RHBDL1: variants seen among roughly 807,000 people sequenced by gnomAD.
RHBDL1 encodes the protein rhomboid-related protein 1.
In RHBDL1, 21 loss-of-function variants were observed where a neutral mutation model predicts 34.0. The ratio of observed to expected loss-of-function variants is 0.62; its 90% confidence interval spans 0.44 to 0.89. The LOEUF is 0.89. Among genes scored for constraint, RHBDL1 ranks in the 40% least tolerant of loss-of-function variants. RHBDL1 has a pLI of 0.00. For missense variants in RHBDL1, 450 were observed against 530.6 expected (o/e 0.85, Z 1.49); for synonymous variants, 268 against 234.8 (o/e 1.14, Z -1.29).
chr16:675,753 G>C lies in RHBDL1; in HGVS notation c.-38G>C, dbSNP rs925465542. ...CCGCAGAGCAGCCCCTCCCGGCCGCGGCCGCCGACCCCGGACCCCGGCCCC... is the reference window on the plus strand; with the variant it reads ...CCGCAGAGCAGCCCCTCCCGGCCGCCGCCGCCGACCCCGGACCCCGGCCCC... On this transcript the variant is annotated 5_prime_UTR_variant, in exon 1 of 8. Coordinates refer to ENST00000352681, the MANE Select transcript of RHBDL1 (RefSeq NM_001278720.2). 2.9e-5 allele frequency: 41 copies of C among 1,406,042 alleles called. No homozygotes were observed. In the Admixed American group the frequency reaches 9.1e-4, roughly 31 times the overall value. The allele number at this position is 1,406,042 out of a possible 1,614,324, so 87.1% of individuals were successfully genotyped here.
intron 4 of RHBDL1, 52 bp from the exon 5 acceptor site, chr16:677,224 G>T: frequency 6.4e-7 from 1 of 1,553,576 alleles, no homozygotes; most frequent in Non-Finnish European, 8.7e-7. Context: ...GCTGGGGGTG[G>T]GGCCGGATGG....
chr16:677,669 T>C lies in RHBDL1; in HGVS notation c.820T>C (p.Leu274=). The C allele has an allele frequency of 1.3e-6, 2 of 1,558,414 alleles. No individual in the cohort carries two copies. The highest frequency in any genetic ancestry group is 1.7e-6 in the Non-Finnish European group (2 of 1,149,638). ...GGCTGGGATGAGATGTCCCTACAAG[T>C]TGCTGAGGATGGTGCTGGCCTTGGT... is the stretch of plus-strand genomic sequence containing the variant. ...NWAGMRCPYK[L]LRMVLALVCM... is the part of the protein sequence containing the mutation. Residue 274 remains leucine (L), a synonymous_variant, in exon 7 of 8, where the codon TTG becomes CTG. Coordinates refer to ENST00000352681, the MANE Select transcript of RHBDL1 (RefSeq NM_001278720.2).
rs536250789 is a variant in RHBDL1, at chr16:676,958, C to G, written c.427-13C>G. The G allele has an allele frequency of 6.2e-7, 1 of 1,612,134 alleles. No individual in the cohort carries two copies. Among genetic ancestry groups the G allele is most frequent in the Non-Finnish European group, 8.5e-7 (1 of 1,179,500 alleles). On this transcript the variant is annotated splice_polypyrimidine_tract_variant and intron_variant, in intron 3 of 7. Transcript: ENST00000352681. The surrounding 1 kb of genome is among the most constrained non-coding windows in gnomAD (Gnocchi z 6.9). Reference sequence around the variant, plus strand: ...GCTCCTGGCCATGACCAGCCTAACACTCGTGTCCCCAGATCATCGTGTTCC... The same window carrying G: ...GCTCCTGGCCATGACCAGCCTAACAGTCGTGTCCCCAGATCATCGTGTTCC...
intron 4 of RHBDL1, 59 bp from the exon 5 acceptor site, chr16:677,216 TG>T: frequency 2.6e-6 from 4 of 1,560,124 alleles, no homozygotes; most frequent in Non-Finnish European, 3.5e-6. Context: ...AGGTGACGGC[TG>T]GGGGTGGGGC....
chr16:678,225 C>T lies in RHBDL1; in HGVS notation c.*173C>T, dbSNP rs532655243. The stretch of plus-strand genomic sequence containing the variant: ...ACCCACCCCCCACTCCCAGGACTTG[C>T]GGTCTGAGCCTTTTTGGATAATTAA... On this transcript the variant is annotated 3_prime_UTR_variant, in exon 8 of 8. Coordinates refer to ENST00000352681, the MANE Select transcript of RHBDL1 (RefSeq NM_001278720.2). 1.8e-4 allele frequency: 246 copies of T among 1,371,754 alleles called. No homozygotes were observed. The highest frequency in any genetic ancestry group is 2.0e-4 in the Non-Finnish European group (215 of 1,069,252). 85.0% of individuals were successfully genotyped at this position (1,371,754 alleles called of 1,614,324 possible). A position where few individuals can be genotyped will look rare whatever the true frequency, so the allele number is the denominator to read the frequency against.
intron 1 of RHBDL1, 95 bp downstream of exon 1, chr16:675,924 C>T: frequency 1.4e-6 from 2 of 1,420,474 alleles, no homozygotes; most frequent in Non-Finnish European, 1.9e-6. Flanking sequence ...TCCCCGAAAG[C>T]CCCGCTCGGT....
At position 676,605 on chromosome 16, in the gene RHBDL1, G is replaced by T. The variant is rs1224446891; in HGVS notation, c.202-67G>T. On this transcript the variant is annotated intron_variant, in intron 2 of 7. Coordinates refer to ENST00000352681, the MANE Select transcript of RHBDL1 (RefSeq NM_001278720.2). The surrounding 1 kb of genome is among the most constrained non-coding windows in gnomAD (Gnocchi z 6.9). ...GGGGGGCTTGTGGATGCGGGGAGCTGGGTGAGCCTCACAGGCAGGGGTGCC... is the reference window on the plus strand; with the variant it reads ...GGGGGGCTTGTGGATGCGGGGAGCTTGGTGAGCCTCACAGGCAGGGGTGCC... The T allele has an allele frequency of 2.5e-6, 4 of 1,588,132 alleles. No individual in the cohort carries two copies. In the East Asian group the frequency reaches 9.0e-5, roughly 36 times the overall value.
Position 676,363 on chromosome 16 carries a change from A to G in RHBDL1, c.67A>G (p.Ile23Val), listed in dbSNP as rs1409536566. 9 of 1,610,236 alleles carry G rather than the reference A, an allele frequency of 5.6e-6. No homozygotes were observed. The African/African-American group carries it at 1.1e-4, about 19-fold the overall frequency. Reference protein sequence around the residue: ...QQLDPENTGFIGADTFTGLVH... With the variant: ...QQLDPENTGFVGADTFTGLVH... ...GCTGGACCCCGAGAACACAGGCTTC[A>G]TCGGTGCGGACACCTTCACTGGCCT... Residue 23 changes from isoleucine (I) to valine (V), a missense_variant, in exon 2 of 8, where the codon ATC becomes GTC. Transcript: ENST00000352681. This position sits in a 1 kb window ranked among gnomAD's most constrained non-coding sequence, Gnocchi z 6.9.
At chr16:675,910 G>T in intron 1 of RHBDL1, 81 bp downstream of exon 1, 2 of 1,426,538 alleles carry the variant, frequency 1.4e-6, no homozygotes, top group Non-Finnish European at 9.3e-7. Flanking sequence ...GTGCGGGACC[G>T]AGCTCCCCGA....
At position 678,066 on chromosome 16, in the gene RHBDL1, G is replaced by A; in HGVS notation, c.*14G>A. On this transcript the variant is annotated 3_prime_UTR_variant, in exon 8 of 8. Transcript: ENST00000352681. ...CCACCGCCCTGACCGGCTACCTGAG[G>A]CTGCACAGGCCAGGGCTCGGGCATG... 1.3e-6 allele frequency: 2 copies of A among 1,546,200 alleles called. No homozygotes were observed. The highest frequency in any genetic ancestry group is 8.7e-7 in the Non-Finnish European group (1 of 1,151,232).
At position 677,812 on chromosome 16, in the gene RHBDL1, G is replaced by C. The variant is rs1210154676; in HGVS notation, c.882G>C (p.Leu294=). ...CCGAGGTGGGCCGGGCCGTGTGGCTGCGCTTCTCCCCGCCGCTGCCCGCCT... is the reference window on the plus strand; with the variant it reads ...CCGAGGTGGGCCGGGCCGTGTGGCTCCGCTTCTCCCCGCCGCTGCCCGCCT... ...MSSEVGRAVW[L]RFSPPLPASG... is the part of the protein sequence containing the mutation. Residue 294 remains leucine, a synonymous_variant, in exon 8 of 8, where the codon CTG becomes CTC. Coordinates refer to ENST00000352681, the MANE Select transcript of RHBDL1 (RefSeq NM_001278720.2). 1.3e-5 allele frequency: 21 copies of C among 1,564,880 alleles called. No homozygotes were observed. The highest frequency in any genetic ancestry group is 1.8e-5 in the Non-Finnish European group (21 of 1,160,296).
chr16:676,652 A>T lies in RHBDL1; in HGVS notation c.202-20A>T. 1.2e-6 allele frequency: 2 copies of T among 1,607,950 alleles called. No homozygotes were observed. Among genetic ancestry groups the T allele is most frequent in the Non-Finnish European group, 1.7e-6 (2 of 1,178,440 alleles). ...TGCCATGGGGAGGTCCGTGGCCCACACTCAGGCCCCTGCCCCCAGATCAGC... is the reference window on the plus strand; with the variant it reads ...TGCCATGGGGAGGTCCGTGGCCCACTCTCAGGCCCCTGCCCCCAGATCAGC... On this transcript the variant is annotated intron_variant, in intron 2 of 7. Coordinates refer to ENST00000352681, the MANE Select transcript of RHBDL1 (RefSeq NM_001278720.2). This position sits in a 1 kb window ranked among gnomAD's most constrained non-coding sequence, Gnocchi z 6.9.
chr16:678,085 G>A lies in RHBDL1; in HGVS notation c.*33G>A, dbSNP rs746738077. 30 of 1,505,334 alleles carry A rather than the reference G, an allele frequency of 2.0e-5. No individual in the cohort carries two copies. The highest frequency in any genetic ancestry group is 3.9e-5 in the South Asian group (3 of 76,922). 93.2% of individuals were successfully genotyped at this position (1,505,334 alleles called of 1,614,324 possible). On this transcript the variant is annotated 3_prime_UTR_variant, in exon 8 of 8. Coordinates refer to ENST00000352681, the MANE Select transcript of RHBDL1 (RefSeq NM_001278720.2). ...CCTGAGGCTGCACAGGCCAGGGCTC[G>A]GGCATGTGGTGGCCGCCCACCAGGG... is the stretch of plus-strand genomic sequence containing the variant.
chr16:678,094 G>A lies in RHBDL1; in HGVS notation c.*42G>A, dbSNP rs2039585532. 1 of 1,497,514 alleles carries A rather than the reference G, an allele frequency of 6.7e-7. No homozygotes were observed. Among genetic ancestry groups the A allele is most frequent in the Non-Finnish European group, 8.9e-7 (1 of 1,129,924 alleles). The allele number at this position is 1,497,514 out of a possible 1,614,324, so 92.8% of individuals were successfully genotyped here. On this transcript the variant is annotated 3_prime_UTR_variant, in exon 8 of 8. Coordinates refer to ENST00000352681, the MANE Select transcript of RHBDL1 (RefSeq NM_001278720.2). ...GCACAGGCCAGGGCTCGGGCATGTG[G>A]TGGCCGCCCACCAGGGGCCTTCACG...
rs759481785 is a variant in RHBDL1 at position 676,633 on chromosome 16, G to A, written c.202-39G>A. 1.2e-5 allele frequency: 19 copies of A among 1,600,792 alleles called. No individual in the cohort carries two copies. Among genetic ancestry groups the A allele is most frequent in the Non-Finnish European group, 1.6e-5 (19 of 1,174,782 alleles). ...TGAGCCTCACAGGCAGGGGTGCCAT[G>A]GGGAGGTCCGTGGCCCACACTCAGG... On this transcript the variant is annotated intron_variant, in intron 2 of 7. Transcript: ENST00000352681. The surrounding 1 kb of genome is among the most constrained non-coding windows in gnomAD (Gnocchi z 6.9).
In RHBDL1 at chr16:677,812, G is replaced by T; in HGVS notation, c.882G>T (p.Leu294=). The T allele has an allele frequency of 6.4e-7, 1 of 1,564,880 alleles. No individual in the cohort carries two copies. The part of the protein sequence containing the change: ...MSSEVGRAVW[L]RFSPPLPASG... ...CCGAGGTGGGCCGGGCCGTGTGGCTGCGCTTCTCCCCGCCGCTGCCCGCCT... is the reference window on the plus strand; with the variant it reads ...CCGAGGTGGGCCGGGCCGTGTGGCTTCGCTTCTCCCCGCCGCTGCCCGCCT... The change falls in exon 8 of 8, where the codon CTG becomes CTT. Residue 294 remains leucine, a synonymous_variant. Transcript: ENST00000352681.
rs749980786 is a variant in RHBDL1 at position 676,661 on chromosome 16, C to G, written c.202-11C>G. 5 of 1,610,096 alleles carry G rather than the reference C, an allele frequency of 3.1e-6. No individual in the cohort carries two copies. Among genetic ancestry groups the G allele is most frequent in the Middle Eastern group, 1.7e-4 (1 of 5,890 alleles). ...GAGGTCCGTGGCCCACACTCAGGCC[C>G]CTGCCCCCAGATCAGCAGCAAGCGC... is the stretch of plus-strand genomic sequence containing the variant. On this transcript the variant is annotated splice_polypyrimidine_tract_variant and intron_variant, in intron 2 of 7. Transcript: ENST00000352681. The surrounding 1 kb of genome is among the most constrained non-coding windows in gnomAD (Gnocchi z 6.9).
chr16:678,090 T>C lies in RHBDL1; in HGVS notation c.*38T>C, dbSNP rs775515532. 9 of 1,500,268 alleles carry C rather than the reference T, an allele frequency of 6.0e-6. 1 individual carries two copies. In the Admixed American group the frequency reaches 1.9e-4, roughly 32 times the overall value. The allele number at this position is 1,500,268 out of a possible 1,614,324, so 92.9% of individuals were successfully genotyped here. A position where few individuals can be genotyped will look rare whatever the true frequency, so the allele number is the denominator to read the frequency against. ...GGCTGCACAGGCCAGGGCTCGGGCA[T>C]GTGGTGGCCGCCCACCAGGGGCCTT... On this transcript the variant is annotated 3_prime_UTR_variant, in exon 8 of 8. Coordinates refer to ENST00000352681, the MANE Select transcript of RHBDL1 (RefSeq NM_001278720.2).
At position 676,463 on chromosome 16, in the gene RHBDL1, A is replaced by G; in HGVS notation, c.167A>G (p.Gln56Arg). 1 of 1,601,958 alleles carries G rather than the reference A, an allele frequency of 6.2e-7. No homozygotes were observed. The highest frequency in any genetic ancestry group is 1.1e-5 in the South Asian group (1 of 90,556). ...MLVALAQSNE[Q>R]GQVCYQELVD... ...GTGGCCCTGGCTCAGAGCAACGAGCAGGGCCAGGTCTGCTACCAGGAGCTG... is the reference window on the plus strand; with the variant it reads ...GTGGCCCTGGCTCAGAGCAACGAGCGGGGCCAGGTCTGCTACCAGGAGCTG... The change falls in exon 2 of 8, where the codon CAG becomes CGG. Residue 56 changes from glutamine (Q) to arginine (R), a missense_variant. Gln to Arg is a conservative substitution (Grantham distance 43, BLOSUM62 1). Transcript: ENST00000352681. The surrounding 1 kb of genome is among the most constrained non-coding windows in gnomAD (Gnocchi z 6.9).
Sources: allele counts gnomAD v4.1 joint callset, GRCh38; gene constraint gnomAD v4.1.1; non-coding constraint Gnocchi (gnomAD v3.1); transcripts MANE v1.5; gene names NCBI Gene and HGNC (gene_info 2026-07-23, HGNC 2026-07-21).